Variants in TES observed in about 807,000 individuals in gnomAD.
The protein encoded by TES is testin LIM domain protein.
In TES, 41 loss-of-function variants were observed where a neutral mutation model predicts 48.2. That is an observed-to-expected ratio of 0.85 (90% CI 0.66 to 1.10). TES has a LOEUF of 1.10. TES is among the 50% of genes least tolerant of loss of function. The pLI is 0.00. For missense variants in TES, 463 were observed against 515.1 expected, an observed-to-expected ratio of 0.90 and a Z score of 0.98; for synonymous variants, 162 against 174.9, an observed-to-expected ratio of 0.93 and a Z score of 0.58.
At chr7:116,221,549 C>G (rs1278060245) in intron 1 of TES, among the ~76,000 whole-genome samples, 3 of 152,154 alleles carry the variant, frequency 2.0e-5, no homozygotes, top group Non-Finnish European at 4.4e-5. Flanking sequence ...AAGCTTGGAC[C>G]TCAAGAGACC....
chr7:116,228,888 TC>T (rs1799658026), intron 1 of TES, among the ~76,000 whole-genome samples: 1 of 151,158 alleles, frequency 6.6e-6, no homozygotes, highest in South Asian at 2.1e-4. Flanking sequence ...ACTTTCAAAA[TC>T]CCTGAACACG....
chr7:116,257,315 G>C lies in TES; in HGVS notation c.1099G>C (p.Ala367Pro). Residue 367 changes from alanine (A) to proline (P), a missense_variant, in exon 7 of 7, where the codon GCC (alanine) becomes CCC (proline). By Grantham distance (27) the Ala-to-Pro change is conservative. Coordinates refer to ENST00000358204, the MANE Select transcript of TES (RefSeq NM_015641.4). ...ATAGGTGTGTCAAGGATGCCACAATGCCATCGACCCAGAAGTGCAGCGGGT... is the reference window on the plus strand; with the variant it reads ...ATAGGTGTGTCAAGGATGCCACAATCCCATCGACCCAGAAGTGCAGCGGGT... ...HAVVCQGCHN[A>P]IDPEVQRVTY... 6.2e-7 allele frequency: 1 copy of C among 1,612,096 alleles called. No individual in the cohort carries two copies. The highest frequency in any genetic ancestry group is 1.7e-4 in the Middle Eastern group (1 of 6,056).
intron 1 of TES, among the ~76,000 whole-genome samples, chr7:116,219,683 G>A (rs1799533848): frequency 6.6e-6 from 1 of 152,136 alleles, no homozygotes. Flanking sequence ...GCAGGGATAT[G>A]ATGTTGAATA....
intron 1 of TES, among the ~76,000 whole-genome samples, chr7:116,224,294 T>G (rs1362088653): frequency 1.3e-5 from 2 of 152,216 alleles, no homozygotes; most frequent in Non-Finnish European, 2.9e-5. Context: ...AATCGTATTT[T>G]CAAACCCTAA....
At chr7:116,246,049 C>T (rs184325720) in intron 2 of TES, among the ~76,000 whole-genome samples, 19 of 149,128 alleles carry the variant, frequency 1.3e-4, no homozygotes, top group African/African-American at 2.5e-4. Context: ...ATGGGAACTA[C>T]GATTCAAGAT....
chr7:116,212,221 A>G (rs1017418377), intron 1 of TES, among the ~76,000 whole-genome samples: 2 of 152,230 alleles, frequency 1.3e-5, no homozygotes, highest in African/African-American at 2.4e-5. Context: ...TTTGAAGACA[A>G]CTTTGCAAAA....
chr7:116,235,887 T>C (rs3807974), intron 2 of TES, among the ~76,000 whole-genome samples: 9,901 of 152,246 alleles, frequency 0.065, 510 homozygotes, highest in South Asian at 0.15. Context: ...AAAACTAGTT[T>C]ATTGAATCAG....
chr7:116,252,529 T>G, intron 6 of TES, 53 bp downstream of exon 6: 1 of 1,613,504 alleles, frequency 6.2e-7, no homozygotes. Context: ...GGACTTGAGT[T>G]TATGCTTTTC....
rs58514364 is a variant in TES at position 116,228,998 on chromosome 7, CTATATATATATA to C, written c.28-5511_28-5500del. Among the ~76,000 whole-genome samples, 81 of 110,140 alleles carry C rather than the reference CTATATATATATA, an allele frequency of 7.4e-4. 2 individuals are homozygous for C. Among genetic ancestry groups the C allele is most frequent in the Middle Eastern group, 4.5e-3 (1 of 224 alleles). 72.3% of individuals were successfully genotyped at this position (110,140 alleles called of 152,430 possible). A position where few individuals can be genotyped will look rare whatever the true frequency, so the allele number is the denominator to read the frequency against. On this transcript the variant is annotated intron_variant, in intron 1 of 6. Transcript: ENST00000358204. ...CCCGTTAGCTCTCTAGTATCTATAA[CTATATATATATA>C]TATATATATATATATATATATATAA...
At chr7:116,216,779 A>G (rs533859772) in intron 1 of TES, among the ~76,000 whole-genome samples, 4 of 152,208 alleles carry the variant, frequency 2.6e-5, no homozygotes, top group African/African-American at 9.6e-5. Flanking sequence ...TAATTAATTT[A>G]AATCTGTAGT....
At chr7:116,242,390 T>C (rs1054285450) in intron 2 of TES, among the ~76,000 whole-genome samples, 1 of 152,190 alleles carries the variant, frequency 6.6e-6, no homozygotes, top group Non-Finnish European at 1.5e-5. Context: ...GATAACCAGA[T>C]GTTAGAAAGA....
intron 2 of TES, among the ~76,000 whole-genome samples, chr7:116,236,247 T>G (rs1211156092): frequency 1.3e-5 from 2 of 152,276 alleles, no homozygotes; most frequent in East Asian, 3.9e-4. Context: ...TACCTTACAA[T>G]CTTATAATAC....
At chr7:116,212,551 A>G (rs1799451264) in intron 1 of TES, among the ~76,000 whole-genome samples, 1 of 152,204 alleles carries the variant, frequency 6.6e-6, no homozygotes, top group South Asian at 2.1e-4. Context: ...TTTTGCTGTG[A>G]AGCTAAAAAA....
intron 2 of TES, among the ~76,000 whole-genome samples, chr7:116,238,596 T>TTATTATTA (rs1554437878): frequency 2.0e-5 from 3 of 149,714 alleles, no homozygotes; most frequent in African/African-American, 7.4e-5. Flanking sequence ...ATTATTATTA[T>TTATTATTA]TATTATTATT....
intron 3 of TES, 26 bp downstream of exon 3, chr7:116,249,298 C>T: frequency 6.2e-7 from 1 of 1,613,178 alleles, no homozygotes; most frequent in Non-Finnish European, 8.5e-7. Context: ...CAGAGAGTTT[C>T]TTTATTGAAG....
chr7:116,211,172 G>A (rs1036175529), intron 1 of TES: 1 of 156,122 alleles, frequency 6.4e-6, no homozygotes, highest in Non-Finnish European at 1.4e-5. Context: ...GCTGTGCTTT[G>A]ACAGCTCTGA....
Position 116,227,999 on chromosome 7 carries a change from CTTTTTTTTGTTTTT to C in TES, c.28-6516_28-6503del, listed in dbSNP as rs767293658. On this transcript the variant is annotated intron_variant, in intron 1 of 6. Transcript: ENST00000358204. ...TTTGAAATACCAGATGTTCCATAGT[CTTTTTTTTGTTTTT>C]TTTTTTTTGTTTTTTTTTAAGTATC... Among the ~76,000 whole-genome samples the C allele has an allele frequency of 6.7e-3, 946 of 142,026 alleles. 7 individuals are homozygous for C. Among genetic ancestry groups the C allele is most frequent in the Non-Finnish European group, 7.2e-3 (474 of 65,614 alleles). The allele number at this position is 142,026 out of a possible 152,430, so 93.2% of individuals were successfully genotyped here.
chr7:116,223,016 G>A (rs1248065406), intron 1 of TES: 1 of 984,236 alleles, frequency 1.0e-6, no homozygotes, highest in Non-Finnish European at 1.2e-6. Context: ...CACAGAAGAG[G>A]TATTCTATTG....
chr7:116,217,933 A>C (rs552968120), intron 1 of TES: 16 of 507,866 alleles, frequency 3.2e-5, no homozygotes, highest in Non-Finnish European at 6.3e-5. Flanking sequence ...ATGCATGACT[A>C]TAATTTTCTA....
Sources: allele counts gnomAD v4.1 joint callset (sites outside exome capture counted in the v4.1 genomes callset), GRCh38; gene constraint gnomAD v4.1.1; transcripts MANE v1.5; gene names NCBI Gene and HGNC (gene_info 2026-07-23, HGNC 2026-07-21).